The following STPG2 variants were observed in gnomAD, a reference collection of about 807,000 sequenced individuals.
The protein encoded by STPG2 is sperm-tail PG-rich repeat-containing protein 2.
A neutral mutation model predicts 54.2 loss-of-function variants in STPG2; 56 were observed. The observed-to-expected ratio is 1.03, with a 90% confidence interval of 0.83 to 1.29. The LOEUF is 1.29. STPG2 is among the 50% of genes most tolerant of loss of function. STPG2 has a pLI of 0.00. For synonymous variants in STPG2, 200 were observed against 181.8 expected, an observed-to-expected ratio of 1.10 and a Z score of -0.81; for missense variants, 596 against 544.9, an observed-to-expected ratio of 1.09 and a Z score of -0.93.
At position 97,956,000 on chromosome 4, in the gene STPG2, C is replaced by A. The variant is rs182264896; in HGVS notation, c.934-11993G>T. Among the ~76,000 whole-genome samples, 89 of 152,014 alleles carry A rather than the reference C, an allele frequency of 5.9e-4. No homozygotes were observed. In the East Asian group the frequency reaches 7.0e-3, roughly 12 times the overall value. On this transcript the variant is annotated intron_variant, in intron 7 of 10. Coordinates refer to ENST00000295268, the MANE Select transcript of STPG2 (RefSeq NM_174952.3). ...GGAAGTTTTTCAGACAGAAGAAAAA[C>A]GATTCCATTTTTCATAAAAATGCAA...
At chr4:97,904,842 G>A (rs971079557) in intron 8 of STPG2, among the ~76,000 whole-genome samples, 1 of 152,200 alleles carries the variant, frequency 6.6e-6, no homozygotes, top group Non-Finnish European at 1.5e-5. Context: ...CAATCAACTG[G>A]AAGAAAGGGT....
chr4:97,929,099 A>G (rs1732442413), intron 8 of STPG2, among the ~76,000 whole-genome samples: 1 of 152,120 alleles, frequency 6.6e-6, no homozygotes, highest in African/African-American at 2.4e-5. Context: ...AGTAACTATC[A>G]TTTAGCTCCC....
intron 9 of STPG2, among the ~76,000 whole-genome samples, chr4:97,792,029 C>T (rs562749687): frequency 3.8e-4 from 57 of 151,514 alleles, no homozygotes; most frequent in African/African-American, 1.3e-3. Context: ...GACAAATCAC[C>T]TGTAAAGAGA....
intron 4 of STPG2, among the ~76,000 whole-genome samples, chr4:97,507,490 C>T (rs1317392976): frequency 1.3e-5 from 2 of 152,092 alleles, no homozygotes; most frequent in African/African-American, 4.8e-5. Flanking sequence ...CCAATTTCAA[C>T]TGCAATACAA....
chr4:97,559,182 A>G (rs1270380187), intron 10 of STPG2, 65 bp from the exon 11 acceptor site: 4 of 1,070,200 alleles, frequency 3.7e-6, no homozygotes, highest in Non-Finnish European at 5.6e-6. Context: ...AATAATATTC[A>G]TTATTTAAAC....
At chr4:97,831,747 C>G (rs953403299) in intron 9 of STPG2, among the ~76,000 whole-genome samples, 2 of 152,116 alleles carry the variant, frequency 1.3e-5, no homozygotes, top group Non-Finnish European at 2.9e-5. Flanking sequence ...AATGCCTCTA[C>G]AGAAATAAAC....
intron 5 of STPG2, among the ~76,000 whole-genome samples, chr4:98,023,612 T>A (rs1477100624): frequency 6.6e-6 from 1 of 152,204 alleles, no homozygotes; most frequent in Admixed American, 6.5e-5. Context: ...TTTTTGTTTG[T>A]CTGTGCCCTG....
intron 8 of STPG2, among the ~76,000 whole-genome samples, chr4:97,891,794 A>C (rs1237528206): frequency 6.6e-6 from 1 of 152,190 alleles, no homozygotes; most frequent in Non-Finnish European, 1.5e-5. Context: ...CTCTAAAGGA[A>C]GAATAAATTT....
intron 8 of STPG2, among the ~76,000 whole-genome samples, chr4:97,925,181 T>C (rs1049768683): frequency 6.6e-6 from 1 of 152,232 alleles, no homozygotes; most frequent in African/African-American, 2.4e-5. Context: ...AATTGCATTC[T>C]CTTCACAATC....
intron 8 of STPG2, among the ~76,000 whole-genome samples, chr4:97,936,866 TCTACTCATG>T (rs1228268032): frequency 2.6e-5 from 4 of 152,194 alleles, no homozygotes; most frequent in Admixed American, 1.3e-4. Flanking sequence ...TTGGGGTTGA[TCTACTCATG>T]GAGTATGTTA....
At chr4:97,548,351 A>G (rs886720305) in intron 4 of STPG2, among the ~76,000 whole-genome samples, 1 of 152,178 alleles carries the variant, frequency 6.6e-6, no homozygotes. Context: ...ATGAAAGCTG[A>G]AACAAAAAAC....
chr4:98,009,606 G>T (rs1735680371), intron 5 of STPG2, among the ~76,000 whole-genome samples: 1 of 151,900 alleles, frequency 6.6e-6, no homozygotes, highest in Non-Finnish European at 1.5e-5. Flanking sequence ...TTGGCCTAAA[G>T]TACAGTTCAA....
chr4:97,809,274 T>C (rs756129634), intron 9 of STPG2, among the ~76,000 whole-genome samples: 3 of 152,154 alleles, frequency 2.0e-5, no homozygotes, highest in Non-Finnish European at 4.4e-5. Context: ...GAATGGATAA[T>C]GGTGACAGAG....
At chr4:97,808,448 A>T (rs1350371507) in intron 9 of STPG2, among the ~76,000 whole-genome samples, 14 of 151,910 alleles carry the variant, frequency 9.2e-5, no homozygotes, top group Non-Finnish European at 1.5e-5. Flanking sequence ...CCACTACGAT[A>T]AAAATAAAAC....
At chr4:97,915,231 G>GT (rs1421981271) in intron 8 of STPG2, among the ~76,000 whole-genome samples, 2 of 151,990 alleles carry the variant, frequency 1.3e-5, no homozygotes, top group Admixed American at 1.3e-4. Context: ...CTGCTCTTAA[G>GT]GAATTTACGA....
At chr4:97,991,716 C>T (rs1020176548) in intron 5 of STPG2, among the ~76,000 whole-genome samples, 5 of 151,994 alleles carry the variant, frequency 3.3e-5, no homozygotes, top group African/African-American at 1.2e-4. Context: ...TTTATATTCC[C>T]ACCAAACAGT....
intron 9 of STPG2, among the ~76,000 whole-genome samples, chr4:97,741,749 CT>C (rs1725243690): frequency 6.6e-6 from 1 of 151,250 alleles, no homozygotes; most frequent in African/African-American, 2.4e-5. Context: ...AATAGGAACA[CT>C]TTTACACTGT....
chr4:97,795,173 G>C (rs1240007345), intron 9 of STPG2, among the ~76,000 whole-genome samples: 1 of 151,830 alleles, frequency 6.6e-6, no homozygotes, highest in Non-Finnish European at 1.5e-5. Flanking sequence ...AAACACATGT[G>C]TTTCTACTTT....
intron 4 of STPG2, among the ~76,000 whole-genome samples, chr4:97,459,506 C>A (rs1333962364): frequency 7.2e-6 from 1 of 139,652 alleles, no homozygotes; most frequent in Non-Finnish European, 1.5e-5. Flanking sequence ...GTGGCGTGAT[C>A]TCGGCTCACT....
Sources: allele counts gnomAD v4.1 joint callset (sites outside exome capture counted in the v4.1 genomes callset), GRCh38; gene constraint gnomAD v4.1.1; transcripts MANE v1.5; gene names NCBI Gene and HGNC (gene_info 2026-07-23, HGNC 2026-07-21).